The following HDAC9 variants were observed in gnomAD, a reference collection of about 807,000 sequenced individuals.
HDAC9 encodes the protein histone deacetylase 9, also known as MEF-2 interacting transcription repressor (MITR) protein.
Under a neutral mutation model 139.4 loss-of-function variants are expected in HDAC9, and 41 were observed. The ratio of observed to expected loss-of-function variants is 0.29; its 90% CI spans 0.23 to 0.38. HDAC9 has a LOEUF of 0.38. HDAC9 is among the 10% of genes least tolerant of loss of function. The pLI is 1.00. For synonymous variants in HDAC9, 517 were observed against 476.2 expected (o/e 1.09, Z -1.12); for missense variants, 1,147 against 1,297.0 (o/e 0.88, Z 1.78).
chr7:18,805,084 C>A (rs56236512), intron 17 of HDAC9, among the ~76,000 whole-genome samples: 14,755 of 152,118 alleles, frequency 0.097, 1,362 homozygotes, highest in African/African-American at 0.25. Context: ...GGCATGAGCC[C>A]CTGCGCCTGG....
At chr7:18,890,830 G>C (rs1800616757) in intron 22 of HDAC9, among the ~76,000 whole-genome samples, 1 of 152,150 alleles carries the variant, frequency 6.6e-6, no homozygotes. Flanking sequence ...AACTTTAAGC[G>C]AAAGTAGAAA....
chr7:18,707,907 T>C (rs1445310368), intron 12 of HDAC9, among the ~76,000 whole-genome samples: 3 of 150,288 alleles, frequency 2.0e-5, no homozygotes, highest in Non-Finnish European at 4.4e-5. Context: ...GTGTCTGTAT[T>C]TGAGTTGGAA....
Position 18,138,361 on chromosome 7 carries a change from C to G in HDAC9, c.-96-23868C>G, listed in dbSNP as rs544425426. Among the ~76,000 whole-genome samples the G allele has an allele frequency of 2.1e-4, 32 of 152,036 alleles. No homozygotes were observed. The South Asian group carries it at 6.7e-3, about 32-fold the overall frequency. The stretch of plus-strand genomic sequence containing the variant: ...TCTCTCCTTGCAAGGACATCTTCTG[C>G]TGGTGCCAAGACATCAGAATGAGAT... On this transcript the variant is annotated intron_variant, in intron 1 of 12. Coordinates refer to the HDAC9 transcript ENST00000417496.
chr7:18,615,543 T>G (rs182875299), intron 6 of HDAC9, among the ~76,000 whole-genome samples: 77 of 152,348 alleles, frequency 5.1e-4, no homozygotes, highest in African/African-American at 1.7e-3. Context: ...CTTTTTGTCT[T>G]TTTTCTCTTT....
At chr7:18,305,011 A>C (rs1798816019) in intron 1 of HDAC9, among the ~76,000 whole-genome samples, 1 of 150,292 alleles carries the variant, frequency 6.7e-6, no homozygotes, top group African/African-American at 2.5e-5. Flanking sequence ...TGGAAATTCT[A>C]AATTGTGTTT....
intron 1 of HDAC9, among the ~76,000 whole-genome samples, chr7:18,385,611 C>G (rs917666211): frequency 1.3e-5 from 2 of 152,014 alleles, no homozygotes; most frequent in African/African-American, 4.8e-5. Context: ...TTCAAATTGA[C>G]TAAAATAAGG....
intron 2 of HDAC9, among the ~76,000 whole-genome samples, chr7:18,278,768 G>A (rs1473988351): frequency 6.6e-6 from 1 of 152,068 alleles, no homozygotes. Flanking sequence ...TGCATATGAA[G>A]GGAGACATAA....
At chr7:18,979,213 A>G (rs1320787754) in intron 25 of HDAC9, among the ~76,000 whole-genome samples, 1 of 152,154 alleles carries the variant, frequency 6.6e-6, no homozygotes, top group East Asian at 1.9e-4. Flanking sequence ...TGAATATAAC[A>G]GTGTAATAAT....
chr7:18,812,188 A>T (rs1398036144), intron 17 of HDAC9, among the ~76,000 whole-genome samples: 6 of 151,938 alleles, frequency 3.9e-5, no homozygotes, highest in Non-Finnish European at 7.4e-5. Flanking sequence ...GAACCCATGG[A>T]TACAAGGGTC....
chr7:18,650,073 C>T (rs144091704), intron 11 of HDAC9, among the ~76,000 whole-genome samples: 7 of 152,260 alleles, frequency 4.6e-5, no homozygotes, highest in African/African-American at 1.4e-4. Context: ...CAATTTCCTT[C>T]TCTGACTAAT....
chr7:18,136,281 C>G (rs199741729), intron 1 of HDAC9, among the ~76,000 whole-genome samples: 1 of 149,608 alleles, frequency 6.7e-6, no homozygotes, highest in African/African-American at 2.5e-5. Flanking sequence ...GTAGTTTCTT[C>G]TGCTGTGCAG....
chr7:18,621,166 T>C (rs1419240389), intron 6 of HDAC9, among the ~76,000 whole-genome samples: 1 of 151,766 alleles, frequency 6.6e-6, no homozygotes, highest in African/African-American at 2.4e-5. Context: ...ACATAATAAA[T>C]GCAATAATTT....
At chr7:18,800,096 G>A (rs1793160754) in intron 17 of HDAC9, among the ~76,000 whole-genome samples, 1 of 152,142 alleles carries the variant, frequency 6.6e-6, no homozygotes, top group South Asian at 2.1e-4. Context: ...AGGCCAGAAG[G>A]CAGTGGGATG....
At chr7:18,580,531 C>G (rs2128778434) in intron 2 of HDAC9, among the ~76,000 whole-genome samples, 1 of 152,290 alleles carries the variant, frequency 6.6e-6, no homozygotes, top group East Asian at 1.9e-4. Context: ...CCAAATAAAG[C>G]TAGCTTCATC....
chr7:18,733,792 G>A (rs1786624999), intron 13 of HDAC9, among the ~76,000 whole-genome samples: 3 of 152,018 alleles, frequency 2.0e-5, no homozygotes, highest in Admixed American at 2.0e-4. Flanking sequence ...TGGGACACAA[G>A]TTTTTTGTCT....
At chr7:18,264,305 A>G (rs759151355) in intron 2 of HDAC9, among the ~76,000 whole-genome samples, 1 of 152,196 alleles carries the variant, frequency 6.6e-6, no homozygotes, top group Non-Finnish European at 1.5e-5. Flanking sequence ...TAAAGGACCA[A>G]CAGCATGCAA....
chr7:18,396,862 G>A (rs1284835632), intron 1 of HDAC9, among the ~76,000 whole-genome samples: 1 of 152,166 alleles, frequency 6.6e-6, no homozygotes, highest in Non-Finnish European at 1.5e-5. Flanking sequence ...TGGGTCAAAG[G>A]TTGTCATTGT....
intron 1 of HDAC9, among the ~76,000 whole-genome samples, chr7:18,402,615 G>A (rs1038894017): frequency 6.6e-6 from 1 of 152,204 alleles, no homozygotes; most frequent in Admixed American, 6.5e-5. Flanking sequence ...GCCCTCAGAA[G>A]GTTTCAGGCA....
At chr7:18,718,084 T>G (rs1784843967) in intron 12 of HDAC9, among the ~76,000 whole-genome samples, 1 of 152,122 alleles carries the variant, frequency 6.6e-6, no homozygotes, top group African/African-American at 2.4e-5. Flanking sequence ...TTAGAACATT[T>G]TCATCACCGC....
Sources: gnomAD v4.1 joint callset for allele counts (sites outside exome capture counted in the v4.1 genomes callset) on GRCh38, gnomAD v4.1.1 for gene constraint, MANE v1.5 for transcripts, NCBI Gene and HGNC (gene_info 2026-07-23, HGNC 2026-07-21) for gene names.